Variants in NRIP2 observed in about 807,000 individuals in gnomAD.
NRIP2 encodes the protein nuclear receptor interacting protein 2, also known as nuclear receptor-interacting protein 2.
Under a neutral mutation model 34.1 loss-of-function variants are expected in NRIP2, and 27 were observed. The observed-to-expected ratio is 0.79, with a 90% CI of 0.58 to 1.09. NRIP2 has a LOEUF of 1.09. Among genes scored for constraint, NRIP2 ranks in the 50% least tolerant of loss-of-function variants. NRIP2 has a pLI of 0.00. For missense variants in NRIP2, 385 were observed against 352.6 expected, an observed-to-expected ratio of 1.09 and a Z score of -0.74; for synonymous variants, 145 against 146.9, an observed-to-expected ratio of 0.99 and a Z score of 0.09.
intron 1 of NRIP2, 73 bp from the exon 2 acceptor site, chr12:2,830,933 T>C: frequency 5.2e-6 from 8 of 1,529,926 alleles, no homozygotes; most frequent in Non-Finnish European, 6.2e-6. Context: ...TTACCCCACT[T>C]AGATACCCCA....
In NRIP2 at chr12:2,834,693, G is replaced by A. The variant is rs200922309; in HGVS notation, c.291C>T (p.Ala97=). The part of the protein sequence containing the change: ...QATQFLHKDS[A]DLLPLDSLKR... Reference sequence around the variant, plus strand: ...TGAGGCTGTCCAGCGGGAGCAGGTCGGCCGAGTCCTTGTGCAGGAACTGGG... The same window carrying A: ...TGAGGCTGTCCAGCGGGAGCAGGTCAGCCGAGTCCTTGTGCAGGAACTGGG... Residue 97 remains alanine, a synonymous_variant, in exon 1 of 6, where the codon GCC becomes GCT. Coordinates refer to ENST00000337508, the MANE Select transcript of NRIP2 (RefSeq NM_031474.3). 1.3e-5 allele frequency: 21 copies of A among 1,613,590 alleles called. No homozygotes were observed. In the Admixed American group the frequency reaches 1.5e-4, roughly 12 times the overall value.
In NRIP2 at chr12:2,826,431, C is replaced by G. The variant is rs143017976; in HGVS notation, c.*776G>C. 6.6e-6 allele frequency: 1 copy of G among 152,080 alleles called. No homozygotes were observed. Among genetic ancestry groups the G allele is most frequent in the Non-Finnish European group, 1.5e-5 (1 of 68,036 alleles). 9.4% of individuals were successfully genotyped at this position (152,080 alleles called of 1,614,324 possible). On this transcript the variant is annotated 3_prime_UTR_variant, in exon 6 of 6. Coordinates refer to ENST00000337508, the MANE Select transcript of NRIP2 (RefSeq NM_031474.3). The stretch of plus-strand genomic sequence containing the variant: ...CTGTCTGCCTCACAGGAGCAGTTCT[C>G]TACAAGGCTCTTCCACACACACACA...
chr12:2,834,107 G>T (rs2098016454), intron 1 of NRIP2, among the ~76,000 whole-genome samples: 1 of 152,206 alleles, frequency 6.6e-6, no homozygotes, highest in Non-Finnish European at 1.5e-5. Context: ...TTCCACTCAG[G>T]AGTTGGGGGA....
In NRIP2 at chr12:2,828,469, T is replaced by C. The variant is rs2097981840; in HGVS notation, c.496-55A>G. On this transcript the variant is annotated intron_variant, in intron 2 of 5. Transcript: ENST00000337508. Reference sequence around the variant, plus strand: ...GAGTCCCTAGGAGAATGGGTTGGAATTGGATCCTTCAGTTTCCCAGCCCAT... The same window carrying C: ...GAGTCCCTAGGAGAATGGGTTGGAACTGGATCCTTCAGTTTCCCAGCCCAT... 3.7e-6 allele frequency: 5 copies of C among 1,347,522 alleles called. No individual in the cohort carries two copies. In the East Asian group the frequency reaches 9.2e-5, roughly 25 times the overall value. The allele number at this position is 1,347,522 out of a possible 1,614,324, so 83.5% of individuals were successfully genotyped here.
intron 2 of NRIP2, 65 bp downstream of exon 2, chr12:2,830,643 G>C: frequency 6.6e-7 from 1 of 1,513,598 alleles, no homozygotes. Context: ...GAGCAGAAAG[G>C]AGAGCAGGTG....
At position 2,834,785 on chromosome 12, in the gene NRIP2, T is replaced by G. The variant is rs753868703; in HGVS notation, c.199A>C (p.Arg67=). 2 of 1,613,680 alleles carry G rather than the reference T, an allele frequency of 1.2e-6. No homozygotes were observed. Among genetic ancestry groups the G allele is most frequent in the South Asian group, 2.2e-5 (2 of 91,042 alleles). The change falls in exon 1 of 6, where the codon AGG becomes CGG. Residue 67 remains arginine, a synonymous_variant. Transcript: ENST00000337508. Reference sequence around the variant, plus strand: ...TCTCGAAGCTGTGCCTCCTGCCCCCTCGTCCTGGCTTCTCCCTCATCTCTC... The same window carrying G: ...TCTCGAAGCTGTGCCTCCTGCCCCCGCGTCCTGGCTTCTCCCTCATCTCTC... ...ARRDEGEART[R]GQEAQLRDRA...
At chr12:2,833,614 C>T (rs1358143228) in intron 1 of NRIP2, among the ~76,000 whole-genome samples, 1 of 152,112 alleles carries the variant, frequency 6.6e-6, no homozygotes, top group Non-Finnish European at 1.5e-5. Flanking sequence ...TCTTCTCAGA[C>T]TAGGAGAGGG....
Position 2,827,196 on chromosome 12 carries a change from T to C in NRIP2, c.*11A>G. 6.2e-7 allele frequency: 1 copy of C among 1,614,066 alleles called. No homozygotes were observed. Among genetic ancestry groups the C allele is most frequent in the Non-Finnish European group, 8.5e-7 (1 of 1,179,980 alleles). ...AAGGTCTTTCCCTCTGGGGACTGACTGAGACAGCAGTCACTGGCCAGGCTC... is the reference window on the plus strand; with the variant it reads ...AAGGTCTTTCCCTCTGGGGACTGACCGAGACAGCAGTCACTGGCCAGGCTC... On this transcript the variant is annotated 3_prime_UTR_variant, in exon 6 of 6. Transcript: ENST00000337508. This position sits in a 1 kb window ranked among gnomAD's most constrained non-coding sequence, Gnocchi z 4.0.
chr12:2,832,816 G>A (rs916666041), intron 1 of NRIP2, among the ~76,000 whole-genome samples: 2 of 150,020 alleles, frequency 1.3e-5, no homozygotes, highest in Admixed American at 1.3e-4. Context: ...CTCTCCACCT[G>A]CCCTCTCTCC....
Position 2,827,277 on chromosome 12 carries a change from C to T in NRIP2, c.776G>A (p.Gly259Glu), listed in dbSNP as rs1173081212. The T allele has an allele frequency of 3.1e-6, 5 of 1,614,010 alleles. No homozygotes were observed. Among genetic ancestry groups the T allele is most frequent in the Non-Finnish European group, 3.4e-6 (4 of 1,179,988 alleles). Residue 259 changes from glycine to glutamate, a missense_variant, in exon 6 of 6, where the codon GGA becomes GAA. Transcript: ENST00000337508. The surrounding 1 kb of genome is among the most constrained non-coding windows in gnomAD (Gnocchi z 4.0). ...SLKCCIDLEH[G>E]VLRLKAPFSE... Reference sequence around the variant, plus strand: ...GAACGGGGCTTTCAGCCGCAGCACTCCGTGCTCCAGGTCGATGCAGCACTG... The same window carrying T: ...GAACGGGGCTTTCAGCCGCAGCACTTCGTGCTCCAGGTCGATGCAGCACTG...
In NRIP2 at chr12:2,826,296, C is replaced by T. The variant is rs907014972; in HGVS notation, c.*911G>A. The stretch of plus-strand genomic sequence containing the variant: ...GATTCCAGGACAATACAAGCTTAAG[C>T]TCAAGAGGCCAGAGATGGGGATAGG... On this transcript the variant is annotated 3_prime_UTR_variant, in exon 6 of 6. Transcript: ENST00000337508. 3.5e-4 allele frequency: 53 copies of T among 151,718 alleles called. No homozygotes were observed. The highest frequency in any genetic ancestry group is 1.2e-3 in the African/African-American group (50 of 41,262). The allele number at this position is 151,718 out of a possible 1,614,324, so 9.4% of individuals were successfully genotyped here. A position where few individuals can be genotyped will look rare whatever the true frequency, so the allele number is the denominator to read the frequency against.
In NRIP2 at chr12:2,827,154, G is replaced by T. The variant is rs1264111061; in HGVS notation, c.*53C>A. 5.0e-6 allele frequency: 8 copies of T among 1,612,210 alleles called. No individual in the cohort carries two copies. Among genetic ancestry groups the T allele is most frequent in the Non-Finnish European group, 6.8e-6 (8 of 1,179,304 alleles). ...CTTCAAGAGCCCCCGTTCCCCACAC[G>T]CCTCTTCTTCTAAGGCAAGGTCTTT... On this transcript the variant is annotated 3_prime_UTR_variant, in exon 6 of 6. Coordinates refer to ENST00000337508, the MANE Select transcript of NRIP2 (RefSeq NM_031474.3). The surrounding 1 kb of genome is among the most constrained non-coding windows in gnomAD (Gnocchi z 4.0).
intron 2 of NRIP2, 101 bp from the exon 3 acceptor site, chr12:2,828,515 T>G: frequency 1.1e-6 from 1 of 907,824 alleles, no homozygotes. Flanking sequence ...CTCCTAGAAA[T>G]GAGTGGAGAA....
Position 2,828,036 on chromosome 12 carries a change from C to G in NRIP2, c.590G>C (p.Arg197Thr), listed in dbSNP as rs774701442. 1 of 1,613,696 alleles carries G rather than the reference C, an allele frequency of 6.2e-7. No homozygotes were observed. Among genetic ancestry groups the G allele is most frequent in the Non-Finnish European group, 8.5e-7 (1 of 1,179,820 alleles). Residue 197 changes from arginine to threonine, a missense_variant, in exon 4 of 6, where the codon AGG becomes ACG. Arg to Thr is a moderately conservative substitution (Grantham distance 71). Coordinates refer to ENST00000337508, the MANE Select transcript of NRIP2 (RefSeq NM_031474.3). ...GCLSRLGLEK[R>T]VLKASAGDLA... Reference sequence around the variant, plus strand: ...GTCCCCAGCTGAGGCTTTTAGGACCCTTTTCTCTAACCTGTGGTTGGGAAG... The same window carrying G: ...GTCCCCAGCTGAGGCTTTTAGGACCGTTTTCTCTAACCTGTGGTTGGGAAG...
rs761509757 is a variant in NRIP2, at chr12:2,830,797, G to T, written c.406C>A (p.Pro136Thr). Residue 136 changes from proline to threonine, a missense_variant, in exon 2 of 6, where the codon CCT (proline) becomes ACT (threonine). Physicochemically the swap from Pro to Thr is conservative, Grantham distance 38. Transcript: ENST00000337508. ...EGNPNWLQGE[P>T]PRMQDLIHGQ... ...TGAATCAGGTCCTGCATCCGGGGAG[G>T]CTCCCCCTGAAGCCAATTCGGGTTT... 1.2e-6 allele frequency: 2 copies of T among 1,613,778 alleles called. No homozygotes were observed. The highest frequency in any genetic ancestry group is 2.7e-5 in the African/African-American group (2 of 75,002).
At position 2,830,872 on chromosome 12, in the gene NRIP2, A is replaced by T; in HGVS notation, c.343-12T>A. ...ACACTGCGCGGCTGCTGGCTCCATC[A>T]CAAAACAATGAAGGTAGGCAGTTCT... On this transcript the variant is annotated splice_polypyrimidine_tract_variant and intron_variant, in intron 1 of 5. Transcript: ENST00000337508. The T allele has an allele frequency of 6.2e-7, 1 of 1,610,648 alleles. No homozygotes were observed. The highest frequency in any genetic ancestry group is 2.2e-5 in the East Asian group (1 of 44,782).
In NRIP2 at chr12:2,826,991, C is replaced by G; in HGVS notation, c.*216G>C. 5 of 1,376,688 alleles carry G rather than the reference C, an allele frequency of 3.6e-6. No homozygotes were observed. In the South Asian group the frequency reaches 8.5e-5, roughly 23 times the overall value. The allele number at this position is 1,376,688 out of a possible 1,614,324, so 85.3% of individuals were successfully genotyped here. A position where few individuals can be genotyped will look rare whatever the true frequency, so the allele number is the denominator to read the frequency against. ...TGAATCAGAATCCTGGCATCGTGGG[C>G]CCTCTAGTGAAAACTCGTCCTGGGG... On this transcript the variant is annotated 3_prime_UTR_variant, in exon 6 of 6. Transcript: ENST00000337508.
Position 2,834,721 on chromosome 12 carries a change from G to A in NRIP2, c.263C>T (p.Ala88Val), listed in dbSNP as rs1565435261. 6.2e-7 allele frequency: 1 copy of A among 1,613,984 alleles called. No homozygotes were observed. The highest frequency in any genetic ancestry group is 8.5e-7 in the Non-Finnish European group (1 of 1,180,008). Reference sequence around the variant, plus strand: ...CGAGTCCTTGTGCAGGAACTGGGTGGCCTGTTTGAGCCGGCGCTGCTGGCT... The same window carrying A: ...CGAGTCCTTGTGCAGGAACTGGGTGACCTGTTTGAGCCGGCGCTGCTGGCT... ...HLSQQRRLKQATQFLHKDSAD... is the reference protein window; with the variant it reads ...HLSQQRRLKQVTQFLHKDSAD... The change falls in exon 1 of 6, where the codon GCC (alanine) becomes GTC (valine). Residue 88 changes from alanine to valine, a missense_variant. Physicochemically the swap from Ala to Val is moderately conservative, Grantham distance 64. Coordinates refer to ENST00000337508, the MANE Select transcript of NRIP2 (RefSeq NM_031474.3).
chr12:2,830,606 TC>T, intron 2 of NRIP2, 101 bp downstream of exon 2: 1 of 1,238,700 alleles, frequency 8.1e-7, no homozygotes, highest in East Asian at 2.7e-5. Context: ...GTGCCCTTTC[TC>T]CCTCCCTCCC....
Sources: gnomAD v4.1 joint callset for allele counts (sites outside exome capture counted in the v4.1 genomes callset) on GRCh38, gnomAD v4.1.1 for gene constraint, Gnocchi (gnomAD v3.1) non-coding constraint, MANE v1.5 for transcripts, NCBI Gene and HGNC (gene_info 2026-07-23, HGNC 2026-07-21) for gene names.